PLOD2: variants seen among roughly 807,000 people sequenced by gnomAD.
PLOD2 encodes the protein procollagen-lysine,2-oxoglutarate 5-dioxygenase 2, also known as lysine hydroxylase 2.
Under a neutral mutation model 101.0 loss-of-function variants are expected in PLOD2, and 65 were observed. The ratio of observed to expected loss-of-function variants is 0.64; its 90% CI spans 0.53 to 0.79. The LOEUF is 0.79. Among genes scored for constraint, PLOD2 ranks in the 30% least tolerant of loss-of-function variants. The pLI is 0.00. For synonymous variants in PLOD2, 314 were observed against 302.9 expected (o/e 1.04, Z -0.38); for missense variants, 909 against 914.6 (o/e 0.99, Z 0.08).
intron 10 of PLOD2, 169 bp downstream of exon 10, chr3:146,086,618 T>C (rs1248406711): frequency 7.3e-6 from 3 of 413,142 alleles, no homozygotes; most frequent in East Asian, 7.8e-5. Context: ...CAGCCCTTTA[T>C]GTATAAATAC....
chr3:146,098,392 T>A (rs879625445), intron 7 of PLOD2, among the ~76,000 whole-genome samples: 5 of 152,136 alleles, frequency 3.3e-5, no homozygotes, highest in Non-Finnish European at 5.9e-5. Flanking sequence ...TCATATTAGA[T>A]TTATACAGAC....
chr3:146,085,322 T>C (rs1936723499), intron 10 of PLOD2, 49 bp from the exon 11 acceptor site: 1 of 902,590 alleles, frequency 1.1e-6, no homozygotes, highest in Non-Finnish European at 1.9e-6. Flanking sequence ...AATAAATATC[T>C]GCTGACTGAA....
chr3:146,153,214 C>T (rs1037880482), intron 1 of PLOD2, among the ~76,000 whole-genome samples: 1 of 152,176 alleles, frequency 6.6e-6, no homozygotes, highest in South Asian at 2.1e-4. Context: ...CAGGTGATCA[C>T]ATTATGGAGA....
At chr3:146,096,716 G>A (rs1226263752) in intron 7 of PLOD2, among the ~76,000 whole-genome samples, 5 of 147,972 alleles carry the variant, frequency 3.4e-5, no homozygotes, top group South Asian at 2.2e-4. Context: ...AGTGAGGAGC[G>A]TCTCCGCCCG....
intron 11 of PLOD2, 90 bp from the exon 12 acceptor site, chr3:146,081,953 T>A (rs1307916166): frequency 8.6e-7 from 1 of 1,165,514 alleles, no homozygotes; most frequent in East Asian, 2.6e-5. Flanking sequence ...TTGGGCTTAG[T>A]ATGACATATA....
chr3:146,103,826 TACACACAC>T (rs3059069), intron 6 of PLOD2, among the ~76,000 whole-genome samples: 74,184 of 146,234 alleles, frequency 0.51, 18,641 homozygotes, highest in East Asian at 0.74. Flanking sequence ...CACGAGCATG[TACACACAC>T]ACACACACAC....
intron 3 of PLOD2, among the ~76,000 whole-genome samples, chr3:146,118,913 T>A (rs1029327567): frequency 6.6e-6 from 1 of 152,192 alleles, no homozygotes; most frequent in Non-Finnish European, 1.5e-5. Context: ...GACTAAAGTA[T>A]GAATTTCACA....
At chr3:146,086,030 A>C (rs2108019070) in intron 10 of PLOD2, 1 of 152,340 alleles carries the variant, frequency 6.6e-6, no homozygotes, top group Non-Finnish European at 1.5e-5. Flanking sequence ...GGATTCTCCA[A>C]TGAATAAATT....
At chr3:146,071,005 C>A (rs1191141629) in intron 19 of PLOD2, 37 bp downstream of exon 19, 41 of 1,574,332 alleles carry the variant, frequency 2.6e-5, no homozygotes, top group Non-Finnish European at 3.2e-5. Flanking sequence ...TGATATATTT[C>A]TTTTGAAAAA....
rs540510458 is a variant in PLOD2, at chr3:146,121,203, T to C, written c.247A>G (p.Ser83Gly). Residue 83 changes from serine (S) to glycine (G), a missense_variant, in exon 3 of 20, where the codon AGT (serine) becomes GGT (glycine). Ser to Gly is a moderately conservative substitution (Grantham distance 56). Coordinates refer to ENST00000282903, the MANE Select transcript of PLOD2 (RefSeq NM_182943.3). ...EEWRGGDGIN[S>G]IGGGQKVRLM... is the part of the protein sequence containing the mutation. ...CTCACTTTCTGGCCCCCTCCAATAC[T>C]ATTAATTCCATCACCACCTCTCCAT... 74 of 1,609,004 alleles carry C rather than the reference T, an allele frequency of 4.6e-5. No homozygotes were observed. Among genetic ancestry groups the C allele is most frequent in the Non-Finnish European group, 6.1e-5 (72 of 1,175,652 alleles).
intron 4 of PLOD2, among the ~76,000 whole-genome samples, chr3:146,106,908 T>C (rs1416433213): frequency 6.6e-6 from 1 of 152,108 alleles, no homozygotes; most frequent in Admixed American, 6.5e-5. Flanking sequence ...CAAAAGTAAT[T>C]GACAAAAGAG....
chr3:146,133,948 A>C (rs895729581), intron 1 of PLOD2, among the ~76,000 whole-genome samples: 11 of 152,306 alleles, frequency 7.2e-5, no homozygotes, highest in African/African-American at 2.6e-4. Context: ...AAATTATAAG[A>C]GCTTGGGATG....
intron 1 of PLOD2, among the ~76,000 whole-genome samples, chr3:146,153,231 T>C (rs2032148240): frequency 2.0e-5 from 3 of 152,364 alleles, no homozygotes; most frequent in Admixed American, 2.0e-4. Context: ...GAGATCATTT[T>C]AGTCTACCAG....
chr3:146,096,878 G>GGC (rs1264043335), intron 7 of PLOD2, among the ~76,000 whole-genome samples: 7 of 70,776 alleles, frequency 9.9e-5, no homozygotes, highest in Admixed American at 2.5e-4. Context: ...CCGGGAGGGA[G>GGC]GTGGGGGGGG....
Position 146,106,583 on chromosome 3 carries a change from A to G in PLOD2, c.564T>C (p.Asn188=). 1 of 1,599,126 alleles carries G rather than the reference A, an allele frequency of 6.3e-7. No individual in the cohort carries two copies. The highest frequency in any genetic ancestry group is 8.6e-7 in the Non-Finnish European group (1 of 1,166,522). ...RIVQQWNLQD[N]DDDQLFYTKV... is the part of the protein sequence containing the mutation. ...TAGTGTAAAAGAGCTGATCATCATC[A>G]TTATCCTGGAGATTCCATTGTTGAA... Residue 188 remains asparagine, a synonymous_variant, in exon 5 of 20, where the codon AAT becomes AAC. Coordinates refer to ENST00000282903, the MANE Select transcript of PLOD2 (RefSeq NM_182943.3).
chr3:146,075,487 T>TAAAAAAAAAAAAAAAA (rs35706246), intron 15 of PLOD2, among the ~76,000 whole-genome samples: 14 of 93,604 alleles, frequency 1.5e-4, no homozygotes, highest in East Asian at 3.2e-4. Flanking sequence ...CTCAAATCTG[T>TAAAAAAAAAAAAAAAA]AAAAAAAAAA....
intron 15 of PLOD2, among the ~76,000 whole-genome samples, chr3:146,074,792 A>G (rs1262266017): frequency 6.6e-6 from 1 of 151,592 alleles, no homozygotes; most frequent in Non-Finnish European, 1.5e-5. Flanking sequence ...ATCATTGAGC[A>G]AACTGTGACT....
chr3:146,155,069 T>G (rs1201531384), intron 1 of PLOD2, among the ~76,000 whole-genome samples: 1 of 152,224 alleles, frequency 6.6e-6, no homozygotes, highest in African/African-American at 2.4e-5. Context: ...GAGGTATCTT[T>G]GTGACACAGT....
chr3:146,106,795 G>C, intron 4 of PLOD2, 151 bp from the exon 5 acceptor site: 1 of 665,486 alleles, frequency 1.5e-6, no homozygotes, highest in Admixed American at 2.3e-5. Context: ...AAAGAAATAT[G>C]AATTATTGAG....
Sources: gnomAD v4.1 joint callset for allele counts (sites outside exome capture counted in the v4.1 genomes callset) on GRCh38, gnomAD v4.1.1 for gene constraint, MANE v1.5 for transcripts, NCBI Gene and HGNC (gene_info 2026-07-23, HGNC 2026-07-21) for gene names.